AKAP7: variants seen among roughly 807,000 people sequenced by gnomAD.
AKAP7 encodes A-kinase anchoring protein 7.
A neutral mutation model predicts 39.5 loss-of-function variants in AKAP7; 39 were observed. The observed-to-expected ratio is 0.99, with a 90% confidence interval of 0.76 to 1.29. AKAP7 has a LOEUF of 1.29. AKAP7 is among the 50% of genes most tolerant of loss of function. The probability of loss-of-function intolerance (pLI) is 0.00; values close to 1 mark genes in which losing one functional copy is unlikely to be tolerated. For synonymous variants in AKAP7, 140 were observed against 139.1 expected (o/e 1.01, Z -0.05); for missense variants, 414 against 407.7 (o/e 1.02, Z -0.13).
At chr6:131,176,407 T>C (rs376802489) in intron 5 of AKAP7, among the ~76,000 whole-genome samples, 4 of 152,172 alleles carry the variant, frequency 2.6e-5, no homozygotes, top group African/African-American at 9.7e-5. Flanking sequence ...TTATAATGAA[T>C]GATGAAATTG....
intron 3 of AKAP7, among the ~76,000 whole-genome samples, chr6:131,163,355 A>G (rs1021683996): frequency 5.9e-5 from 9 of 152,342 alleles, no homozygotes; most frequent in Admixed American, 2.6e-4. Context: ...TTTGTTTTAA[A>G]GTGTCTAATG....
chr6:131,241,627 G>GTGTATA, intron 7 of AKAP7, among the ~76,000 whole-genome samples: 3 of 86,668 alleles, frequency 3.5e-5, no homozygotes, highest in African/African-American at 1.0e-4. Context: ...GTGTGTGTGT[G>GTGTATA]TATATATATA....
intron 5 of AKAP7, among the ~76,000 whole-genome samples, chr6:131,196,615 A>G (rs955991270): frequency 6.6e-6 from 1 of 152,052 alleles, no homozygotes; most frequent in Non-Finnish European, 1.5e-5. Flanking sequence ...TTATTTCAAT[A>G]TCTTTGTTAA....
chr6:131,236,287 A>G (rs548802687), intron 7 of AKAP7, among the ~76,000 whole-genome samples: 223 of 152,304 alleles, frequency 1.5e-3, no homozygotes, highest in African/African-American at 5.2e-3. Flanking sequence ...TACCAGTACC[A>G]TGCTGTTTTG....
Position 131,135,528 on chromosome 6 carries a change from C to CGCTGCT in AKAP7, c.-233_-228dup, listed in dbSNP as rs1172763783. ...CTGCGGCTGCTGCGGCTGCCGCCGC[C>CGCTGCT]GCTGCTGCCGCTGCCGCGGGGGCTG... On this transcript the variant is annotated 5_prime_UTR_variant, in exon 1 of 8. Coordinates refer to ENST00000431975, the MANE Select transcript of AKAP7 (RefSeq NM_016377.4). The CGCTGCT allele has an allele frequency of 1.2e-5, 2 of 172,364 alleles. No individual in the cohort carries two copies. Among genetic ancestry groups the CGCTGCT allele is most frequent in the East Asian group, 1.9e-4 (1 of 5,314 alleles). 10.7% of individuals were successfully genotyped at this position (172,364 alleles called of 1,614,324 possible).
At chr6:131,167,611 G>T (rs557438844) in intron 4 of AKAP7, among the ~76,000 whole-genome samples, 1 of 152,086 alleles carries the variant, frequency 6.6e-6, no homozygotes, top group Non-Finnish European at 1.5e-5. Flanking sequence ...ATTTAAACTG[G>T]ATTTGGAGGT....
chr6:131,237,880 G>C (rs1811205834), intron 7 of AKAP7, among the ~76,000 whole-genome samples: 1 of 151,960 alleles, frequency 6.6e-6, no homozygotes, highest in Admixed American at 6.6e-5. Context: ...TGATTTTTTT[G>C]AAGGGTTTTT....
At chr6:131,135,264 GAAAT>G (rs1800431774), upstream of AKAP7, among the ~76,000 whole-genome samples, 1 of 152,216 alleles carries the variant, frequency 6.6e-6, no homozygotes, top group Non-Finnish European at 1.5e-5. Flanking sequence ...TGCGCCACGG[GAAAT>G]AAATGAGGGC....
At chr6:131,272,372 C>G (rs1360289264) in intron 7 of AKAP7, among the ~76,000 whole-genome samples, 1 of 151,902 alleles carries the variant, frequency 6.6e-6, no homozygotes, top group African/African-American at 2.4e-5. Context: ...ATTTCATTCT[C>G]CTACTATTTT....
chr6:131,178,549 C>T (rs1321630184), intron 5 of AKAP7, among the ~76,000 whole-genome samples: 1 of 152,204 alleles, frequency 6.6e-6, no homozygotes, highest in Non-Finnish European at 1.5e-5. Flanking sequence ...AGACCTTAAA[C>T]TTAGTTATAG....
chr6:131,195,116 TTTC>T (rs1457953295), intron 5 of AKAP7, among the ~76,000 whole-genome samples: 1 of 152,174 alleles, frequency 6.6e-6, no homozygotes, highest in Non-Finnish European at 1.5e-5. Context: ...CTCCTCCTCC[TTTC>T]TTCTTGCCTT....
intron 7 of AKAP7, among the ~76,000 whole-genome samples, chr6:131,242,954 G>A (rs565201554): frequency 6.6e-6 from 1 of 152,266 alleles, no homozygotes; most frequent in African/African-American, 2.4e-5. Flanking sequence ...AGAAACGCTG[G>A]TAGGGCCCAA....
chr6:131,233,491 G>T (rs1225202653), intron 7 of AKAP7, among the ~76,000 whole-genome samples: 1 of 152,130 alleles, frequency 6.6e-6, no homozygotes, highest in Non-Finnish European at 1.5e-5. Flanking sequence ...TTAGCATCAT[G>T]CCTGGACATA....
intron 7 of AKAP7, among the ~76,000 whole-genome samples, chr6:131,255,583 T>C (rs924621045): frequency 1.3e-5 from 2 of 152,200 alleles, no homozygotes; most frequent in Non-Finnish European, 2.9e-5. Flanking sequence ...CCACTGCCTG[T>C]TAAAAACATA....
chr6:131,132,907 C>T (rs1428705854), upstream of AKAP7, among the ~76,000 whole-genome samples: 2 of 152,126 alleles, frequency 1.3e-5, no homozygotes, highest in African/African-American at 2.4e-5. Context: ...AAAATATGTT[C>T]TCTCCTGAGC....
chr6:131,190,503 A>G (rs1339606751), intron 5 of AKAP7, among the ~76,000 whole-genome samples: 1 of 151,998 alleles, frequency 6.6e-6, no homozygotes, highest in Non-Finnish European at 1.5e-5. Flanking sequence ...TTAGCCAGGC[A>G]TGGTGGTGCG....
At chr6:131,146,124 G>T (rs1045629894) in intron 2 of AKAP7, among the ~76,000 whole-genome samples, 1 of 152,150 alleles carries the variant, frequency 6.6e-6, no homozygotes, top group African/African-American at 2.4e-5. Context: ...CATTGAGAGG[G>T]TCCATCAGTG....
intron 7 of AKAP7, among the ~76,000 whole-genome samples, chr6:131,231,428 C>T (rs1026539017): frequency 6.6e-6 from 1 of 151,662 alleles, no homozygotes. Flanking sequence ...CTACTTAGAC[C>T]GATTAAGATG....
intron 7 of AKAP7, among the ~76,000 whole-genome samples, chr6:131,280,385 C>T (rs771506109): frequency 6.6e-6 from 1 of 152,038 alleles, no homozygotes; most frequent in African/African-American, 2.4e-5. Context: ...AAGTAGGGGG[C>T]TCTGAAGCAA....
Sources: allele counts gnomAD v4.1 joint callset (sites outside exome capture counted in the v4.1 genomes callset), GRCh38; gene constraint gnomAD v4.1.1; transcripts MANE v1.5; gene names NCBI Gene and HGNC (gene_info 2026-07-23, HGNC 2026-07-21).